The following PCDHA4 variants were observed in gnomAD, a reference collection of about 807,000 sequenced individuals.
PCDHA4 encodes the protein protocadherin alpha-4.
In PCDHA4, 49 loss-of-function variants were observed where a neutral mutation model predicts 61.4. The observed-to-expected ratio is 0.80, with a 90% CI of 0.63 to 1.01. PCDHA4 has a LOEUF of 1.01. Among genes scored for constraint, PCDHA4 ranks in the 50% least tolerant of loss-of-function variants. The pLI, the probability that PCDHA4 is intolerant of heterozygous loss-of-function variation, is 0.00. For synonymous variants in PCDHA4, 590 were observed against 550.3 expected (o/e 1.07, Z -1.01); for missense variants, 1,254 against 1,235.8 (o/e 1.01, Z -0.22).
In PCDHA4 at chr5:140,809,099, G is replaced by A. The variant is rs782619886; in HGVS notation, c.1912G>A (p.Asp638Asn). Residue 638 changes from aspartate (D) to asparagine (N), a missense_variant, in exon 1 of 4, where the codon GAC becomes AAC. By Grantham distance (23) the Asp-to-Asn change is conservative. Transcript: ENST00000530339. ...CGAGATCAGCACAACGCGTGCCCTGGACGAAACGGACGCTCCGCGCCACCG... is the reference window on the plus strand; with the variant it reads ...CGAGATCAGCACAACGCGTGCCCTGAACGAAACGGACGCTCCGCGCCACCG... ...TGEISTTRALDETDAPRHRLL... is the reference protein window; with the variant it reads ...TGEISTTRALNETDAPRHRLL... 5 of 1,613,982 alleles carry A rather than the reference G, an allele frequency of 3.1e-6. No homozygotes were observed. Among genetic ancestry groups the A allele is most frequent in the Non-Finnish European group, 4.2e-6 (5 of 1,179,932 alleles).
Position 140,823,912 on chromosome 5 carries a change from A to T in PCDHA4, c.2385+14340A>T. On this transcript the variant is annotated intron_variant, in intron 1 of 3. Coordinates refer to ENST00000530339, the MANE Select transcript of PCDHA4 (RefSeq NM_018907.4). ...TGCGGTGTCCAGCCTGCTGGTGCTC[A>T]CGCTGCTGCTGTACACCGCGCTGCG... is the stretch of plus-strand genomic sequence containing the variant. The T allele has an allele frequency of 6.2e-7, 1 of 1,613,952 alleles. No homozygotes were observed. Among genetic ancestry groups the T allele is most frequent in the Non-Finnish European group, 8.5e-7 (1 of 1,179,930 alleles).
At chr5:140,886,921 C>T (rs778306326) in intron 1 of PCDHA4, among the ~76,000 whole-genome samples, 2 of 151,406 alleles carry the variant, frequency 1.3e-5, no homozygotes, top group African/African-American at 4.9e-5. Context: ...TGAGTGTTCT[C>T]TATGTGCCAG....
At chr5:140,982,748 G>C (rs2097001127) in intron 3 of PCDHA4, among the ~76,000 whole-genome samples, 185 bp downstream of exon 3, 1 of 151,896 alleles carries the variant, frequency 6.6e-6, no homozygotes, top group African/African-American at 2.4e-5. Flanking sequence ...TGCTCTTCAG[G>C]AGTTGAAAAA....
At chr5:140,812,747 C>G (rs2126641508) in intron 1 of PCDHA4, 1 of 152,250 alleles carries the variant, frequency 6.6e-6, no homozygotes, top group African/African-American at 2.4e-5. Context: ...GCGTGAGCCA[C>G]TGAGCTTGCC....
At chr5:140,935,080 C>T (rs1163743447) in intron 1 of PCDHA4, among the ~76,000 whole-genome samples, 1 of 152,076 alleles carries the variant, frequency 6.6e-6, no homozygotes, top group Non-Finnish European at 1.5e-5. Flanking sequence ...TGTACATTTC[C>T]TTTCCCAGAA....
At chr5:140,919,552 T>C (rs2079193484) in intron 1 of PCDHA4, among the ~76,000 whole-genome samples, 1 of 152,224 alleles carries the variant, frequency 6.6e-6, no homozygotes, top group South Asian at 2.1e-4. Context: ...ATTTACTGAT[T>C]TATATTAAGT....
At chr5:140,957,134 T>C (rs2095335911) in intron 1 of PCDHA4, among the ~76,000 whole-genome samples, 1 of 152,210 alleles carries the variant, frequency 6.6e-6, no homozygotes, top group Admixed American at 6.5e-5. Flanking sequence ...TACTACACTA[T>C]GAACTAAAAA....
intron 1 of PCDHA4, chr5:140,876,602 G>A (rs572945874): frequency 6.2e-7 from 1 of 1,614,180 alleles, no homozygotes; most frequent in Non-Finnish European, 8.5e-7. Flanking sequence ...GTGTCGGATC[G>A]TGACTCTGGA....
At chr5:140,863,452 G>T in intron 1 of PCDHA4, 2 of 561,032 alleles carry the variant, frequency 3.6e-6, no homozygotes, top group Non-Finnish European at 6.8e-6. Flanking sequence ...TCGCAGCAAA[G>T]GAGATTTTAC....
chr5:140,857,427 C>G lies in PCDHA4; in HGVS notation c.2385+47855C>G, dbSNP rs781871079. On this transcript the variant is annotated intron_variant, in intron 1 of 3. Coordinates refer to ENST00000530339, the MANE Select transcript of PCDHA4 (RefSeq NM_018907.4). The stretch of plus-strand genomic sequence containing the variant: ...CCTGCGTTCGCGCAGTCCGAGTACA[C>G]GGTGTTCGTGAAGGAGAACAACCCG... 49 of 1,598,334 alleles carry G rather than the reference C, an allele frequency of 3.1e-5. 4 individuals carry two copies. The highest frequency in any genetic ancestry group is 3.9e-5 in the Non-Finnish European group (46 of 1,167,894).
intron 2 of PCDHA4, among the ~76,000 whole-genome samples, chr5:140,980,855 C>T (rs1313101029): frequency 2.6e-5 from 4 of 151,960 alleles, no homozygotes; most frequent in South Asian, 2.1e-4. Flanking sequence ...TAATCTTTTT[C>T]GTATGTGTGC....
rs565233003 is a variant in PCDHA4 at position 140,851,830 on chromosome 5, T to C, written c.2385+42258T>C. 1.2e-5 allele frequency: 12 copies of C among 967,780 alleles called. No homozygotes were observed. In the African/African-American group the frequency reaches 2.1e-4, roughly 17 times the overall value. The allele number at this position is 967,780 out of a possible 1,614,324, so 59.9% of individuals were successfully genotyped here. On this transcript the variant is annotated intron_variant, in intron 1 of 3. Coordinates refer to ENST00000530339, the MANE Select transcript of PCDHA4 (RefSeq NM_018907.4). ...TCCATAAGACAGAAATCTGTTTTTT[T>C]AAAAATATCTTTTTCTCCTCTCAGC...
chr5:140,823,213 G>A, intron 1 of PCDHA4: 1 of 1,613,778 alleles, frequency 6.2e-7, no homozygotes, highest in Non-Finnish European at 8.5e-7. Flanking sequence ...GTCTGCACGG[G>A]ACGCGGACGC....
intron 1 of PCDHA4, chr5:140,810,358 G>A (rs190752805): frequency 6.6e-6 from 1 of 152,312 alleles, no homozygotes; most frequent in African/African-American, 2.4e-5. Context: ...TAAGAGTTGT[G>A]TTTGTGGGTC....
intron 1 of PCDHA4, among the ~76,000 whole-genome samples, chr5:140,959,768 A>G (rs1554224322): frequency 6.6e-6 from 1 of 152,240 alleles, no homozygotes; most frequent in African/African-American, 2.4e-5. Flanking sequence ...ATATTCAGTA[A>G]GAACAGTGTA....
chr5:141,001,811 C>A (rs1200900455), intron 3 of PCDHA4, among the ~76,000 whole-genome samples: 1 of 152,128 alleles, frequency 6.6e-6, no homozygotes, highest in Non-Finnish European at 1.5e-5. Flanking sequence ...ATTCTACAAT[C>A]GGCCAAATTC....
chr5:140,961,247 C>T (rs527974851), intron 1 of PCDHA4, among the ~76,000 whole-genome samples: 6 of 152,070 alleles, frequency 3.9e-5, no homozygotes, highest in East Asian at 1.9e-4. Flanking sequence ...GGAATTTATC[C>T]GAAGCTCCAG....
chr5:140,809,057 G>T lies in PCDHA4; in HGVS notation c.1870G>T (p.Val624Leu). ...GTGGARIPFR[V>L]GLYTGEISTT... is the part of the protein sequence containing the mutation. ...TGGTGGCGCGCGCATCCCGTTCCGCGTGGGGCTGTACACTGGCGAGATCAG... is the reference window on the plus strand; with the variant it reads ...TGGTGGCGCGCGCATCCCGTTCCGCTTGGGGCTGTACACTGGCGAGATCAG... Residue 624 changes from valine to leucine, a missense_variant, in exon 1 of 4, where the codon GTG becomes TTG. Coordinates refer to ENST00000530339, the MANE Select transcript of PCDHA4 (RefSeq NM_018907.4). The T allele has an allele frequency of 6.2e-7, 1 of 1,613,890 alleles. No individual in the cohort carries two copies. The highest frequency in any genetic ancestry group is 8.5e-7 in the Non-Finnish European group (1 of 1,179,886).
Position 140,855,527 on chromosome 5 carries a change from G to C in PCDHA4, c.2385+45955G>C, listed in dbSNP as rs1017117704. ...TTAAATCTCAAAATAATGAGAAAGA[G>C]AAGTAAGTTAAGTGTCAGAACTTAA... On this transcript the variant is annotated intron_variant, in intron 1 of 3. Coordinates refer to ENST00000530339, the MANE Select transcript of PCDHA4 (RefSeq NM_018907.4). 1.3e-5 allele frequency among the ~76,000 whole-genome samples: 2 copies of C among 149,890 alleles called. 1 individual carries two copies. The highest frequency in any genetic ancestry group is 4.9e-5 in the African/African-American group (2 of 40,842).
Sources: allele counts gnomAD v4.1 joint callset (sites outside exome capture counted in the v4.1 genomes callset), GRCh38; gene constraint gnomAD v4.1.1; transcripts MANE v1.5; gene names NCBI Gene and HGNC (gene_info 2026-07-23, HGNC 2026-07-21).